Variants in CTNNA3 observed in about 807,000 individuals in gnomAD.
The protein encoded by CTNNA3 is catenin alpha-3.
Under a neutral mutation model 95.7 loss-of-function variants are expected in CTNNA3, and 76 were observed. The observed-to-expected ratio is 0.79, with a 90% CI of 0.66 to 0.96. The LOEUF (loss-of-function observed/expected upper bound fraction) is 0.96, where lower values mean the gene tolerates loss of function less well. CTNNA3 is among the 40% of genes least tolerant of loss of function. The pLI is 0.00. For synonymous variants in CTNNA3, 431 were observed against 374.4 expected (o/e 1.15, Z -1.74); for missense variants, 1,191 against 1,089.8 (o/e 1.09, Z -1.31).
intron 11 of CTNNA3, among the ~76,000 whole-genome samples, chr10:66,428,058 A>G (rs543994282): frequency 1.3e-5 from 2 of 152,284 alleles, no homozygotes; most frequent in Middle Eastern, 3.4e-3. Flanking sequence ...ATGGAGGAAG[A>G]TCTATCAAGC....
At chr10:66,916,794 A>C (rs564451374) in intron 7 of CTNNA3, among the ~76,000 whole-genome samples, 1 of 152,180 alleles carries the variant, frequency 6.6e-6, no homozygotes, top group African/African-American at 2.4e-5. Context: ...GAGTTGGAGA[A>C]TTGGTTGGTA....
rs190333489 is a variant in CTNNA3, at chr10:66,906,573, A to T, written c.1048-131049T>A. Among the ~76,000 whole-genome samples, 783 of 152,264 alleles carry T rather than the reference A, an allele frequency of 5.1e-3. 7 individuals are homozygous for T. Among genetic ancestry groups the T allele is most frequent in the Non-Finnish European group, 7.9e-3 (539 of 67,998 alleles). On this transcript the variant is annotated intron_variant, in intron 7 of 17. Transcript: ENST00000433211. ...TCAAGTTTAAAGGAATTGTAGACTTATATTAATCTACAATTAATTTTTCGA... is the reference window on the plus strand; with the variant it reads ...TCAAGTTTAAAGGAATTGTAGACTTTTATTAATCTACAATTAATTTTTCGA...
At chr10:66,740,705 T>C (rs1849299952) in intron 9 of CTNNA3, among the ~76,000 whole-genome samples, 1 of 152,232 alleles carries the variant, frequency 6.6e-6, no homozygotes, top group Non-Finnish European at 1.5e-5. Context: ...CTTGCCTCTC[T>C]TTCTGCCATT....
At chr10:67,637,332 T>G (rs1839353751) in intron 2 of CTNNA3, among the ~76,000 whole-genome samples, 1 of 151,998 alleles carries the variant, frequency 6.6e-6, no homozygotes, top group Admixed American at 6.6e-5. Context: ...TAAAAAGAAA[T>G]GAACAAAGCC....
intron 7 of CTNNA3, among the ~76,000 whole-genome samples, chr10:66,881,281 T>C (rs554299902): frequency 9.2e-5 from 14 of 152,276 alleles, no homozygotes; most frequent in Non-Finnish European, 1.6e-4. Flanking sequence ...TTAAATGGTC[T>C]TCCAACATAG....
intron 7 of CTNNA3, among the ~76,000 whole-genome samples, chr10:67,169,206 T>C (rs1263258120): frequency 2.0e-5 from 3 of 152,126 alleles, no homozygotes; most frequent in African/African-American, 4.8e-5. Context: ...AAAATGGCCA[T>C]ACTGCCCAAA....
At chr10:67,479,219 C>T (rs185191326) in intron 5 of CTNNA3, among the ~76,000 whole-genome samples, 351 of 152,226 alleles carry the variant, frequency 2.3e-3, no homozygotes, top group Non-Finnish European at 4.1e-3. Flanking sequence ...AAATTCTGGA[C>T]TTGAGATTGA....
intron 5 of CTNNA3, among the ~76,000 whole-genome samples, chr10:67,336,044 T>G (rs1841984297): frequency 6.6e-6 from 1 of 152,188 alleles, no homozygotes. Context: ...TACAATGATC[T>G]GTGATCTATG....
At chr10:66,644,181 C>T (rs1444981147) in intron 9 of CTNNA3, among the ~76,000 whole-genome samples, 1 of 151,666 alleles carries the variant, frequency 6.6e-6, no homozygotes, top group Non-Finnish European at 1.5e-5. Flanking sequence ...ATTGGTTGAG[C>T]TTGGGAGGTT....
intron 1 of CTNNA3, among the ~76,000 whole-genome samples, chr10:67,656,759 A>G (rs1382430773): frequency 6.6e-6 from 1 of 152,054 alleles, no homozygotes; most frequent in Non-Finnish European, 1.5e-5. Context: ...TAACATCACA[A>G]CAGAAGCCTA....
intron 15 of CTNNA3, among the ~76,000 whole-genome samples, chr10:66,003,584 T>G (rs534116298): frequency 6.6e-6 from 1 of 152,148 alleles, no homozygotes; most frequent in Non-Finnish European, 1.5e-5. Flanking sequence ...AGAATTAGAA[T>G]GAAGAATTTC....
chr10:66,332,177 C>A (rs2092338612), intron 12 of CTNNA3, among the ~76,000 whole-genome samples: 1 of 151,888 alleles, frequency 6.6e-6, no homozygotes, highest in Non-Finnish European at 1.5e-5. Flanking sequence ...GATATACAAT[C>A]ATGTCATCTG....
intron 14 of CTNNA3, among the ~76,000 whole-genome samples, chr10:66,086,100 T>A (rs190137423): frequency 6.6e-6 from 1 of 152,202 alleles, no homozygotes; most frequent in East Asian, 1.9e-4. Context: ...GGGGAACATC[T>A]GGATTAGAAA....
chr10:67,152,253 T>A (rs894189980), intron 7 of CTNNA3, among the ~76,000 whole-genome samples: 1 of 152,172 alleles, frequency 6.6e-6, no homozygotes, highest in African/African-American at 2.4e-5. Flanking sequence ...AAAGATCAGG[T>A]CTTCATATCA....
chr10:66,303,965 A>T (rs1172681099), intron 12 of CTNNA3, among the ~76,000 whole-genome samples: 1 of 152,144 alleles, frequency 6.6e-6, no homozygotes, highest in Non-Finnish European at 1.5e-5. Flanking sequence ...CAAACCTTGA[A>T]ATTTTCTTTA....
chr10:66,913,743 G>T (rs1345543445), intron 7 of CTNNA3, among the ~76,000 whole-genome samples: 2 of 152,146 alleles, frequency 1.3e-5, no homozygotes, highest in East Asian at 3.9e-4. Context: ...TCTTCATAGA[G>T]CGAGATCAAC....
At chr10:67,093,051 G>A (rs1366951569) in intron 7 of CTNNA3, among the ~76,000 whole-genome samples, 1 of 151,948 alleles carries the variant, frequency 6.6e-6, no homozygotes, top group African/African-American at 2.4e-5. Flanking sequence ...TTGGAAAACG[G>A]TGATTTAGAG....
In CTNNA3 at chr10:66,136,392, A is replaced by G. The variant is rs373904010; in HGVS notation, c.1885-33143T>C. The stretch of plus-strand genomic sequence containing the variant: ...ATGTTTGTTTACCTTAATGAGTAAG[A>G]CCAACAAAAAACAATAAAGATGTAT... On this transcript the variant is annotated intron_variant, in intron 13 of 17. Coordinates refer to ENST00000433211, the MANE Select transcript of CTNNA3 (RefSeq NM_013266.4). Among the ~76,000 whole-genome samples, 14 of 152,316 alleles carry G rather than the reference A, an allele frequency of 9.2e-5. No individual in the cohort carries two copies. In the East Asian group the frequency reaches 2.3e-3, roughly 25 times the overall value.
intron 3 of CTNNA3, among the ~76,000 whole-genome samples, chr10:67,543,746 T>A (rs1390472213): frequency 1.3e-5 from 2 of 152,198 alleles, no homozygotes; most frequent in Non-Finnish European, 2.9e-5. Flanking sequence ...TGATTCAATA[T>A]ATAATAGGGT....
Sources: allele counts gnomAD v4.1 joint callset (sites outside exome capture counted in the v4.1 genomes callset), GRCh38; gene constraint gnomAD v4.1.1; transcripts MANE v1.5; gene names NCBI Gene and HGNC (gene_info 2026-07-23, HGNC 2026-07-21).